The following CYP11A1 variants were observed in gnomAD, a reference collection of about 807,000 sequenced individuals.
The protein encoded by CYP11A1 is cytochrome P450 family 11 subfamily A member 1, also known as cholesterol side-chain cleavage enzyme, mitochondrial.
CYP11A1 carries 25 observed loss-of-function variants against 51.9 expected under a neutral mutation model. The ratio of observed to expected loss-of-function variants is 0.48; its 90% CI spans 0.35 to 0.67. The LOEUF is 0.67. CYP11A1 is among the 30% of genes least tolerant of loss of function. The pLI, the probability that CYP11A1 is intolerant of heterozygous loss-of-function variation, is 0.00. For missense variants in CYP11A1, 578 were observed against 680.9 expected, an observed-to-expected ratio of 0.85 and a Z score of 1.68; for synonymous variants, 245 against 262.1, an observed-to-expected ratio of 0.93 and a Z score of 0.63.
intron 1 of CYP11A1, among the ~76,000 whole-genome samples, chr15:74,357,287 G>A (rs2060684617): frequency 6.6e-6 from 1 of 152,154 alleles, no homozygotes; most frequent in Non-Finnish European, 1.5e-5. Context: ...GGGCTGTACT[G>A]CTGCAAGTCT....
rs545040992 is a variant in CYP11A1, at chr15:74,358,409, A to G, written c.269+8908T>C. ...CACAGGCCCATTCTATTCTGTCGTC[A>G]TTTCATAACCTCTTCCATGTAGGTT... is the stretch of plus-strand genomic sequence containing the variant. On this transcript the variant is annotated intron_variant, in intron 1 of 8. Coordinates refer to ENST00000268053, the MANE Select transcript of CYP11A1 (RefSeq NM_000781.3). Among the ~76,000 whole-genome samples the G allele has an allele frequency of 7.9e-5, 12 of 152,274 alleles. No individual in the cohort carries two copies. In the South Asian group the frequency reaches 1.0e-3, roughly 13 times the overall value.
chr15:74,362,191 G>A, intron 1 of CYP11A1: 1 of 549,488 alleles, frequency 1.8e-6, no homozygotes, highest in East Asian at 2.9e-5. Context: ...CTGCAGAGTT[G>A]AGTTAAAGTT....
chr15:74,343,708 C>G, intron 4 of CYP11A1, 81 bp downstream of exon 4: 2 of 1,268,484 alleles, frequency 1.6e-6, no homozygotes, highest in Non-Finnish European at 2.3e-6. Context: ...CAAGTCAGCG[C>G]CCATTGACAT....
chr15:74,338,862 C>T (rs1007830066), intron 7 of CYP11A1, 94 bp from the exon 8 acceptor site: 30 of 1,114,086 alleles, frequency 2.7e-5, no homozygotes, highest in Non-Finnish European at 3.3e-5. Context: ...CTCTCACCAC[C>T]ACTCCCACTC....
At chr15:74,358,394 T>A (rs1008571697) in intron 1 of CYP11A1, among the ~76,000 whole-genome samples, 4 of 152,298 alleles carry the variant, frequency 2.6e-5, no homozygotes, top group South Asian at 4.1e-4. Flanking sequence ...CACAGGCCCA[T>A]TCTATTCTGT....
chr15:74,363,053 T>C (rs2060716357), intron 1 of CYP11A1: 1 of 152,214 alleles, frequency 6.6e-6, no homozygotes, highest in Non-Finnish European at 1.5e-5. Flanking sequence ...AAGCAATGAT[T>C]AGAAATGTAT....
rs376403897 is a variant in CYP11A1 at position 74,338,041 on chromosome 15, G to A, written c.1497C>T (p.Leu499=). The change falls in exon 9 of 9, where the codon CTC becomes CTT. Residue 499 remains leucine, a synonymous_variant. Coordinates refer to ENST00000268053, the MANE Select transcript of CYP11A1 (RefSeq NM_000781.3). ...AGATGGGCTTTTCAGGCATCAGAATGAGGTTGAATGTGGTGCCCACATCGC... is the reference window on the plus strand; with the variant it reads ...AGATGGGCTTTTCAGGCATCAGAATAAGGTTGAATGTGGTGCCCACATCGC... ...HLSDVGTTFN[L]ILMPEKPISF... 6.2e-7 allele frequency: 1 copy of A among 1,614,132 alleles called. No individual in the cohort carries two copies.
intron 1 of CYP11A1, chr15:74,361,900 A>C (rs1327133561): frequency 1.8e-6 from 2 of 1,116,232 alleles, no homozygotes; most frequent in Admixed American, 1.7e-5. Flanking sequence ...ATCTGCACTG[A>C]CAAGACTGAG....
chr15:74,341,243 A>G (rs1197538620), intron 5 of CYP11A1, among the ~76,000 whole-genome samples: 1 of 152,224 alleles, frequency 6.6e-6, no homozygotes, highest in Non-Finnish European at 1.5e-5. Flanking sequence ...GTATGTGCTT[A>G]ATAAATGTGA....
rs1234734212 is a variant in CYP11A1, at chr15:74,343,776, G to A, written c.829+13C>T. The A allele has an allele frequency of 8.7e-6, 14 of 1,610,080 alleles. No homozygotes were observed. Among genetic ancestry groups the A allele is most frequent in the Non-Finnish European group, 1.1e-5 (13 of 1,178,132 alleles). ...GGCTCCGAGGAGGAGAGCACAGCCA[G>A]AGAAGCCCTCACCTTTACTGAAAAT... On this transcript the variant is annotated intron_variant, in intron 4 of 8. Coordinates refer to ENST00000268053, the MANE Select transcript of CYP11A1 (RefSeq NM_000781.3).
intron 1 of CYP11A1, among the ~76,000 whole-genome samples, chr15:74,349,062 G>T (rs976425502): frequency 2.6e-5 from 4 of 152,128 alleles, no homozygotes; most frequent in Non-Finnish European, 5.9e-5. Context: ...GTTCTTACAT[G>T]AAGAGATGAG....
intron 1 of CYP11A1, 42 bp downstream of exon 1, chr15:74,367,275 C>G: frequency 6.2e-7 from 1 of 1,613,792 alleles, no homozygotes; most frequent in Non-Finnish European, 8.5e-7. Flanking sequence ...CAGGCCCCTC[C>G]TCCTCCCTGT....
intron 1 of CYP11A1, chr15:74,365,570 C>G: frequency 6.4e-6 from 4 of 627,642 alleles, no homozygotes; most frequent in Non-Finnish European, 8.0e-6. Flanking sequence ...CACCTCTCTC[C>G]GAGAGTTTCA....
rs144374806 is a variant in CYP11A1 at position 74,343,054 on chromosome 15, G to A, written c.913C>T (p.Leu305Phe). ...HHDYRGILYR[L>F]LGDSKMSFED... ...AAGGACATCTTGCTGTCTCCCAGGA[G>A]TCTGTAGAGGATGCCACGGTAATCG... is the stretch of plus-strand genomic sequence containing the variant. The change falls in exon 5 of 9, where the codon CTC (leucine) becomes TTC (phenylalanine). Residue 305 changes from leucine (L) to phenylalanine (F), a missense_variant. By Grantham distance (22) the Leu-to-Phe change is conservative. Transcript: ENST00000268053. 2 of 1,613,754 alleles carry A rather than the reference G, an allele frequency of 1.2e-6. No homozygotes were observed. The highest frequency in any genetic ancestry group is 8.5e-7 in the Non-Finnish European group (1 of 1,180,026).
rs1483254449 is a variant in CYP11A1 at position 74,343,129 on chromosome 15, A to G, written c.838T>C (p.Tyr280His). 1.9e-6 allele frequency: 3 copies of G among 1,613,672 alleles called. No individual in the cohort carries two copies. Among genetic ancestry groups the G allele is most frequent in the African/African-American group, 2.7e-5 (2 of 74,990 alleles). ...AATTCCCAGTAGAAGTTCTGGGTGTATATGTCAGCTGTGGGGAAGGAGGAA... is the reference window on the plus strand; with the variant it reads ...AATTCCCAGTAGAAGTTCTGGGTGTGTATGTCAGCTGTGGGGAAGGAGGAA... ...WDVIFSKADI[Y>H]TQNFYWELRQ... is the part of the protein sequence containing the mutation. Residue 280 changes from tyrosine to histidine, a missense_variant, in exon 5 of 9, where the codon TAC becomes CAC. Transcript: ENST00000268053.
At chr15:74,347,486 A>G (rs1314080592) in intron 2 of CYP11A1, among the ~76,000 whole-genome samples, 1 of 152,220 alleles carries the variant, frequency 6.6e-6, no homozygotes, top group East Asian at 1.9e-4. Flanking sequence ...GTCCCCATGT[A>G]GGACAAATGT....
At chr15:74,339,884 G>A (rs1334102023) in intron 5 of CYP11A1, 131 bp from the exon 6 acceptor site, 7 of 827,946 alleles carry the variant, frequency 8.5e-6, no homozygotes, top group South Asian at 3.2e-5. Context: ...CAGTCTCCAA[G>A]ACCATCCTCT....
At chr15:74,347,822 C>A (rs1242272834) in intron 2 of CYP11A1, 78 bp downstream of exon 2, 1 of 1,521,588 alleles carries the variant, frequency 6.6e-7, no homozygotes, top group Admixed American at 1.8e-5. Flanking sequence ...TGGCCTCAGC[C>A]CCTCACCCCC....
intron 2 of CYP11A1, among the ~76,000 whole-genome samples, chr15:74,347,017 G>A (rs1236322709): frequency 6.6e-6 from 1 of 151,796 alleles, no homozygotes. Context: ...TGTTGCCCAG[G>A]GTGGTCTTGA....
Sources: allele counts gnomAD v4.1 joint callset (sites outside exome capture counted in the v4.1 genomes callset), GRCh38; gene constraint gnomAD v4.1.1; transcripts MANE v1.5; gene names NCBI Gene and HGNC (gene_info 2026-07-23, HGNC 2026-07-21).